CABIN1: variants seen among roughly 807,000 people sequenced by gnomAD.
CABIN1 encodes the protein calcineurin-binding protein cabin-1.
CABIN1 carries 133 observed loss-of-function variants against 227.7 expected under a neutral mutation model. That is an observed-to-expected ratio of 0.58 (90% CI 0.51 to 0.67). The LOEUF is 0.67. Ranked by LOEUF, CABIN1 falls within the 30% of genes least tolerant of loss-of-function variation. The probability of loss-of-function intolerance (pLI) is 0.00; values close to 1 mark genes in which losing one functional copy is unlikely to be tolerated. For missense variants in CABIN1, 2,408 were observed against 2,852.5 expected (o/e 0.84, Z 3.55); for synonymous variants, 1,086 against 1,155.1 (o/e 0.94, Z 1.21).
At position 24,097,995 on chromosome 22, in the gene CABIN1, C is replaced by T. The variant is rs368503678; in HGVS notation, c.3939-19C>T. On this transcript the variant is annotated intron_variant, in intron 25 of 36. Transcript: ENST00000263119. The stretch of plus-strand genomic sequence containing the variant: ...GAGGTGGAGACTCTGACCTGTGCCC[C>T]AAACCTCTGTTCCCACAGGGAGAAG... The T allele has an allele frequency of 9.3e-6, 15 of 1,613,984 alleles. No homozygotes were observed. Among genetic ancestry groups the T allele is most frequent in the Middle Eastern group, 1.6e-4 (1 of 6,082 alleles).
At chr22:24,164,608 CAG>C (rs1679864671) in intron 30 of CABIN1, 45 bp downstream of exon 30, 3 of 1,588,372 alleles carry the variant, frequency 1.9e-6, no homozygotes, top group Non-Finnish European at 2.6e-6. Flanking sequence ...CTGTGTGGGT[CAG>C]GGGCACACAC....
In CABIN1 at chr22:24,036,311, T is replaced by C. The variant is rs182503513; in HGVS notation, c.96+130T>C. On this transcript the variant is annotated intron_variant, in intron 3 of 36. Transcript: ENST00000263119. The stretch of plus-strand genomic sequence containing the variant: ...AATTCCATTTTGAAAGATGGCTAGC[T>C]CTCCATCTCCTGTTAAACCTGTTTT... 94 of 734,446 alleles carry C rather than the reference T, an allele frequency of 1.3e-4. 1 individual carries two copies. In the Admixed American group the frequency reaches 1.7e-3, roughly 13 times the overall value. 45.5% of individuals were successfully genotyped at this position (734,446 alleles called of 1,614,324 possible).
chr22:24,161,657 T>G (rs2046161273), intron 29 of CABIN1, among the ~76,000 whole-genome samples: 1 of 152,238 alleles, frequency 6.6e-6, no homozygotes, highest in African/African-American at 2.4e-5. Context: ...TCTTGGTCAC[T>G]GCTGCCTATG....
chr22:24,101,497 G>A (rs1342254977), intron 26 of CABIN1, among the ~76,000 whole-genome samples: 4 of 152,186 alleles, frequency 2.6e-5, no homozygotes, highest in African/African-American at 9.6e-5. Context: ...CCGCAGCCTG[G>A]TGTCAAAGCC....
At chr22:24,117,911 C>T (rs1019195356) in intron 27 of CABIN1, among the ~76,000 whole-genome samples, 3 of 152,220 alleles carry the variant, frequency 2.0e-5, no homozygotes, top group Admixed American at 1.3e-4. Context: ...AAACCTGGCA[C>T]ATTTTTTAAT....
At chr22:24,120,915 G>A (rs953844915) in intron 28 of CABIN1, among the ~76,000 whole-genome samples, 1 of 152,188 alleles carries the variant, frequency 6.6e-6, no homozygotes, top group South Asian at 2.1e-4. Flanking sequence ...AGAGGGGTGA[G>A]GGTGCTGTTG....
intron 28 of CABIN1, among the ~76,000 whole-genome samples, chr22:24,127,325 G>C (rs948407423): frequency 1.3e-5 from 2 of 152,150 alleles, no homozygotes; most frequent in Admixed American, 6.5e-5. Context: ...AACTCCACAG[G>C]GAGGGAATTC....
chr22:24,025,005 A>G (rs1345355685), intron 1 of CABIN1, among the ~76,000 whole-genome samples: 2 of 152,208 alleles, frequency 1.3e-5, no homozygotes, highest in Admixed American at 6.5e-5. Flanking sequence ...GTGTCTGGTC[A>G]GGAATATTTT....
At chr22:24,050,793 T>A in intron 7 of CABIN1, 32 bp from the exon 8 acceptor site, 1 of 1,613,958 alleles carries the variant, frequency 6.2e-7, no homozygotes, top group Non-Finnish European at 8.5e-7. Context: ...GTTTGTAACA[T>A]GATAATTTCT....
Position 24,158,843 on chromosome 22 carries a change from A to G in CABIN1, c.4747-5557A>G, listed in dbSNP as rs572303378. 8.5e-4 allele frequency among the ~76,000 whole-genome samples: 130 copies of G among 152,244 alleles called. 2 individuals carry two copies. In the South Asian group the frequency reaches 0.022, roughly 25 times the overall value. The stretch of plus-strand genomic sequence containing the variant: ...ATTTATCTGTGGCATAAACTCTCCA[A>G]TGCCTACTCAGGGGTAGCCTGGATG... On this transcript the variant is annotated intron_variant, in intron 29 of 36. Coordinates refer to ENST00000263119, the MANE Select transcript of CABIN1 (RefSeq NM_012295.4).
chr22:24,163,498 G>A (rs2046273589), intron 29 of CABIN1, among the ~76,000 whole-genome samples: 1 of 152,174 alleles, frequency 6.6e-6, no homozygotes, highest in African/African-American at 2.4e-5. Context: ...CCATGCCAAG[G>A]AGAAAGCAAT....
chr22:24,041,913 C>G (rs1231934785), intron 5 of CABIN1, among the ~76,000 whole-genome samples: 3 of 152,154 alleles, frequency 2.0e-5, no homozygotes, highest in Admixed American at 1.3e-4. Context: ...GGTTTGTCTT[C>G]AAAGTACATG....
At position 24,120,355 on chromosome 22, in the gene CABIN1, G is replaced by C. The variant is rs374673271; in HGVS notation, c.4632+657G>C. On this transcript the variant is annotated intron_variant, in intron 28 of 36. Coordinates refer to ENST00000263119, the MANE Select transcript of CABIN1 (RefSeq NM_012295.4). ...CTTAAGTGCTTCCAGGGGCTTCCCA[G>C]CCAGACCTCTTCTGCTGGCGTTTAG... Among the ~76,000 whole-genome samples, 7 of 152,312 alleles carry C rather than the reference G, an allele frequency of 4.6e-5. No homozygotes were observed. In the South Asian group the frequency reaches 1.4e-3, roughly 32 times the overall value.
chr22:24,134,938 C>T (rs1569265465), intron 29 of CABIN1, among the ~76,000 whole-genome samples: 2 of 149,670 alleles, frequency 1.3e-5, no homozygotes, highest in East Asian at 2.0e-4. Context: ...ATTAGCTGGG[C>T]GTGGTGGCGG....
chr22:24,075,510 A>G (rs2040377875), intron 18 of CABIN1, among the ~76,000 whole-genome samples: 1 of 152,166 alleles, frequency 6.6e-6, no homozygotes. Context: ...TGTAGTCTCA[A>G]CACTTTGGGA....
chr22:24,177,896 G>C lies in CABIN1; in HGVS notation c.6519+79G>C. 4 of 1,518,912 alleles carry C rather than the reference G, an allele frequency of 2.6e-6. No homozygotes were observed. The highest frequency in any genetic ancestry group is 2.2e-4 in the Middle Eastern group (1 of 4,588). The allele number at this position is 1,518,912 out of a possible 1,614,324, so 94.1% of individuals were successfully genotyped here. A position where few individuals can be genotyped will look rare whatever the true frequency, so the allele number is the denominator to read the frequency against. On this transcript the variant is annotated intron_variant, in intron 36 of 36. Coordinates refer to ENST00000263119, the MANE Select transcript of CABIN1 (RefSeq NM_012295.4). This position sits in a 1 kb window ranked among gnomAD's most constrained non-coding sequence, Gnocchi z 4.4. ...AAGGGGGCCTAGGATGGGGGTGGGGGTGGCAGGAGGGCCTGGGGTGTGGGT... is the reference window on the plus strand; with the variant it reads ...AAGGGGGCCTAGGATGGGGGTGGGGCTGGCAGGAGGGCCTGGGGTGTGGGT...
At chr22:24,119,773 G>A in intron 28 of CABIN1, 75 bp downstream of exon 28, 1 of 1,358,082 alleles carries the variant, frequency 7.4e-7, no homozygotes, top group Non-Finnish European at 1.1e-6. Context: ...GGTGGGCAGA[G>A]CTAAGACAGA....
At chr22:24,164,371 C>G in intron 29 of CABIN1, 29 bp from the exon 30 acceptor site, 1 of 1,600,140 alleles carries the variant, frequency 6.2e-7, no homozygotes, top group South Asian at 1.1e-5. Context: ...AACCACCCCC[C>G]TCACACACCT....
chr22:24,136,261 C>T (rs113487561), intron 29 of CABIN1, among the ~76,000 whole-genome samples: 1,602 of 151,752 alleles, frequency 0.011, 24 homozygotes, highest in African/African-American at 0.036. Flanking sequence ...CTTGGAGATA[C>T]TGTTAGAACC....
Sources: gnomAD v4.1 joint callset for allele counts (sites outside exome capture counted in the v4.1 genomes callset) on GRCh38, gnomAD v4.1.1 for gene constraint, Gnocchi (gnomAD v3.1) non-coding constraint, MANE v1.5 for transcripts, NCBI Gene and HGNC (gene_info 2026-07-23, HGNC 2026-07-21) for gene names.